Variants in UBR3 observed in about 807,000 individuals in gnomAD.
UBR3 encodes the protein ubiquitin protein ligase E3 component n-recognin 3, also known as E3 ubiquitin-protein ligase UBR3.
Under a neutral mutation model 243.2 loss-of-function variants are expected in UBR3, and 85 were observed. That is an observed-to-expected ratio of 0.35 (90% CI 0.29 to 0.42). The LOEUF (loss-of-function observed/expected upper bound fraction) is 0.42. UBR3 is among the 10% of genes least tolerant of loss of function. UBR3 has a pLI of 1.00. For synonymous variants in UBR3, 748 were observed against 799.8 expected (o/e 0.94, Z 1.09); for missense variants, 1,686 against 2,300.8 (o/e 0.73, Z 5.47).
At chr2:169,834,931 T>A (rs1439056184) in intron 1 of UBR3, among the ~76,000 whole-genome samples, 5 of 152,144 alleles carry the variant, frequency 3.3e-5, no homozygotes, top group Non-Finnish European at 5.9e-5. Flanking sequence ...AACAAATGCT[T>A]GTATGCTTCG....
chr2:169,927,470 A>G (rs1232233895), intron 17 of UBR3, 65 bp downstream of exon 17: 3 of 1,206,854 alleles, frequency 2.5e-6, no homozygotes, highest in East Asian at 2.6e-5. Flanking sequence ...TTTATGATTA[A>G]TAGTTTATCA....
chr2:170,008,650 T>A (rs904857748), intron 28 of UBR3, among the ~76,000 whole-genome samples, 154 bp from the exon 29 acceptor site: 1 of 152,124 alleles, frequency 6.6e-6, no homozygotes, highest in African/African-American at 2.4e-5. Flanking sequence ...TTGGTTTAAC[T>A]TTGTACACTA....
Position 170,082,785 on chromosome 2 carries a change from G to T in UBR3, c.*942G>T, listed in dbSNP as rs937521460. On this transcript the variant is annotated 3_prime_UTR_variant, in exon 39 of 39. Coordinates refer to ENST00000272793, the MANE Select transcript of UBR3 (RefSeq NM_172070.4). ...TTGGAACTTCCTTTCAGCTCAAGAG[G>T]TTCAGCTATATTGTATTTGTGCAGT... is the stretch of plus-strand genomic sequence containing the variant. 1 of 152,080 alleles carries T rather than the reference G, an allele frequency of 6.6e-6. No individual in the cohort carries two copies. Among genetic ancestry groups the T allele is most frequent in the Admixed American group, 6.6e-5 (1 of 15,244 alleles). 9.4% of individuals were successfully genotyped at this position (152,080 alleles called of 1,614,324 possible).
At chr2:169,876,084 CTTTTTTTT>C (rs547614070) in intron 3 of UBR3, 135 bp downstream of exon 3, 1 of 418,100 alleles carries the variant, frequency 2.4e-6, no homozygotes, top group East Asian at 6.6e-5. Context: ...AAGAGAACTT[CTTTTTTTT>C]TTTTTTTTTG....
intron 35 of UBR3, among the ~76,000 whole-genome samples, chr2:170,062,470 A>G (rs2091475356): frequency 6.6e-6 from 1 of 152,252 alleles, no homozygotes; most frequent in African/African-American, 2.4e-5. Context: ...GCTTCAAGAC[A>G]TATGCTGCAC....
At chr2:169,954,223 G>GTCTTGTCTTCTCTTC (rs1311219124) in intron 23 of UBR3, among the ~76,000 whole-genome samples, 25 of 124,642 alleles carry the variant, frequency 2.0e-4, no homozygotes, top group African/African-American at 5.3e-4. Context: ...GTCTTGTCTT[G>GTCTTGTCTTCTCTTC]TCTTCTCTTC....
chr2:170,073,371 T>C, intron 35 of UBR3, 57 bp from the exon 36 acceptor site: 2 of 1,594,874 alleles, frequency 1.3e-6, no homozygotes, highest in East Asian at 2.2e-5. Context: ...ACCTTTTATG[T>C]AATAGGAAAT....
At chr2:169,987,288 G>A (rs1329213229) in intron 25 of UBR3, among the ~76,000 whole-genome samples, 1 of 151,192 alleles carries the variant, frequency 6.6e-6, no homozygotes, top group East Asian at 1.9e-4. Flanking sequence ...AGCTATTTGG[G>A]AGCCTGAGGC....
intron 32 of UBR3, among the ~76,000 whole-genome samples, chr2:170,052,128 A>G (rs2091232904): frequency 2.6e-5 from 4 of 152,122 alleles, no homozygotes; most frequent in Admixed American, 1.3e-4. Context: ...TTTACATTTT[A>G]GTCAATGCTG....
At chr2:170,057,775 T>C (rs938062405) in intron 33 of UBR3, among the ~76,000 whole-genome samples, 1 of 152,128 alleles carries the variant, frequency 6.6e-6, no homozygotes, top group Non-Finnish European at 1.5e-5. Flanking sequence ...TAGAAGTATA[T>C]TGGCTTATAG....
chr2:170,023,759 A>C lies in UBR3; in HGVS notation c.4454-5587A>C, dbSNP rs927156024. ...AGGCACCTGCCACTACACCTGGCTAATTTTTGTATTTTTAGTAGAGATGGG... is the reference window on the plus strand; with the variant it reads ...AGGCACCTGCCACTACACCTGGCTACTTTTTGTATTTTTAGTAGAGATGGG... On this transcript the variant is annotated intron_variant, in intron 30 of 38. Coordinates refer to ENST00000272793, the MANE Select transcript of UBR3 (RefSeq NM_172070.4). Among the ~76,000 whole-genome samples, 14 of 152,160 alleles carry C rather than the reference A, an allele frequency of 9.2e-5. No individual in the cohort carries two copies. In the East Asian group the frequency reaches 9.7e-4, roughly 11 times the overall value.
Position 169,958,433 on chromosome 2 carries a change from T to C in UBR3, c.3546-5T>C. 6.2e-7 allele frequency: 1 copy of C among 1,612,380 alleles called. No individual in the cohort carries two copies. The highest frequency in any genetic ancestry group is 1.1e-5 in the South Asian group (1 of 90,926). On this transcript the variant is annotated splice_polypyrimidine_tract_variant and splice_region_variant and intron_variant, in intron 23 of 38. Transcript: ENST00000272793. Reference sequence around the variant, plus strand: ...TACTTAAAACTTTATTTCTGTTTAATCTAGGCGACAGAAGGCTAGAGAGAG... The same window carrying C: ...TACTTAAAACTTTATTTCTGTTTAACCTAGGCGACAGAAGGCTAGAGAGAG...
intron 31 of UBR3, among the ~76,000 whole-genome samples, chr2:170,035,876 A>AT (rs1212860684): frequency 6.7e-5 from 7 of 103,930 alleles, no homozygotes; most frequent in East Asian, 3.5e-4. Context: ...ATCTTTGCAT[A>AT]TTTTTTTGCT....
chr2:170,008,697 T>C (rs1460417144), intron 28 of UBR3, 107 bp from the exon 29 acceptor site: 4 of 604,214 alleles, frequency 6.6e-6, no homozygotes, highest in Non-Finnish European at 1.1e-5. Flanking sequence ...GTTTTGACTT[T>C]TTAATTTTAA....
chr2:169,874,480 T>G (rs1343620279), intron 2 of UBR3, among the ~76,000 whole-genome samples: 1 of 152,166 alleles, frequency 6.6e-6, no homozygotes, highest in East Asian at 1.9e-4. Context: ...AAATTCTGCA[T>G]TTTTGTGTAG....
chr2:169,886,302 T>C (rs2084097608), intron 5 of UBR3, among the ~76,000 whole-genome samples: 1 of 152,194 alleles, frequency 6.6e-6, no homozygotes, highest in Non-Finnish European at 1.5e-5. Flanking sequence ...TTTAATGTAT[T>C]TCTTTTCCAG....
intron 1 of UBR3, among the ~76,000 whole-genome samples, chr2:169,836,027 CTCTCTCTCTCTCTCTCTATATATATA>C (rs1166307065): frequency 2.9e-4 from 8 of 27,978 alleles, no homozygotes; most frequent in African/African-American, 6.4e-4. Flanking sequence ...CTCTCTCTCT[CTCTCTCTCTCTCTCTCTATATATATA>C]TATATATATA....
intron 2 of UBR3, among the ~76,000 whole-genome samples, chr2:169,873,117 C>T (rs1427849732): frequency 6.6e-6 from 1 of 151,978 alleles, no homozygotes; most frequent in Non-Finnish European, 1.5e-5. Flanking sequence ...TAAGAGATTA[C>T]ATTTTGCATT....
chr2:170,059,430 A>G (rs2091412004), intron 33 of UBR3, among the ~76,000 whole-genome samples: 1 of 152,244 alleles, frequency 6.6e-6, no homozygotes, highest in African/African-American at 2.4e-5. Context: ...ACTATGCCAC[A>G]TTGATTAATA....
Sources: allele counts gnomAD v4.1 joint callset (sites outside exome capture counted in the v4.1 genomes callset), GRCh38; gene constraint gnomAD v4.1.1; transcripts MANE v1.5; gene names NCBI Gene and HGNC (gene_info 2026-07-23, HGNC 2026-07-21).